The following CEP128 variants were observed in gnomAD, a reference collection of about 807,000 sequenced individuals.
CEP128 encodes centrosomal protein 128.
Under a neutral mutation model 156.7 loss-of-function variants are expected in CEP128, and 132 were observed. The observed-to-expected ratio is 0.84, with a 90% CI of 0.73 to 0.97. The LOEUF is 0.97. CEP128 is among the 50% of genes least tolerant of loss of function. The pLI is 0.00. For missense variants in CEP128, 1,252 were observed against 1,281.9 expected (o/e 0.98, Z 0.36); for synonymous variants, 469 against 448.9 (o/e 1.04, Z -0.57).
chr14:80,729,054 TGGGG>T (rs543120613), intron 19 of CEP128, among the ~76,000 whole-genome samples: 140 of 92,590 alleles, frequency 1.5e-3, no homozygotes, highest in African/African-American at 6.4e-3. Context: ...GCTGGGCTGG[TGGGG>T]GTGTGTGTGT....
intron 13 of CEP128, among the ~76,000 whole-genome samples, chr14:80,800,357 G>C (rs1404517067): frequency 6.6e-6 from 1 of 152,120 alleles, no homozygotes; most frequent in East Asian, 1.9e-4. Context: ...TCGATAAAGA[G>C]AACTTTTTAT....
intron 18 of CEP128, among the ~76,000 whole-genome samples, chr14:80,743,869 T>G (rs1186977305): frequency 6.7e-6 from 1 of 149,444 alleles, no homozygotes; most frequent in Non-Finnish European, 1.5e-5. Context: ...TCTCTCTCTC[T>G]CTCACTCTTT....
Position 80,660,986 on chromosome 14 carries a change from G to T in CEP128, c.2807-80563C>A, listed in dbSNP as rs570031475. 2.0e-5 allele frequency among the ~76,000 whole-genome samples: 3 copies of T among 152,226 alleles called. No homozygotes were observed. The East Asian group carries it at 5.8e-4, about 29-fold the overall frequency. The stretch of plus-strand genomic sequence containing the variant: ...TATTCTTATCTACTGCCTTACACAG[G>T]TCTTTCCACAGACCCTTCAACACAT... On this transcript the variant is annotated intron_variant, in intron 19 of 24. Coordinates refer to ENST00000555265, the MANE Select transcript of CEP128 (RefSeq NM_152446.5).
At chr14:80,731,397 A>G (rs1279011182) in intron 19 of CEP128, among the ~76,000 whole-genome samples, 2 of 152,290 alleles carry the variant, frequency 1.3e-5, no homozygotes, top group East Asian at 1.9e-4. Context: ...TAAGAGTTAC[A>G]TAAGATAATA....
At chr14:80,891,751 A>G (rs1050747486) in intron 8 of CEP128, among the ~76,000 whole-genome samples, 1 of 152,028 alleles carries the variant, frequency 6.6e-6, no homozygotes, top group Non-Finnish European at 1.5e-5. Context: ...ACTCCCATTT[A>G]CCCTGATGTG....
At chr14:80,956,878 TC>T (rs1342827561) in intron 2 of CEP128, among the ~76,000 whole-genome samples, 1 of 152,154 alleles carries the variant, frequency 6.6e-6, no homozygotes, top group Non-Finnish European at 1.5e-5. Flanking sequence ...TTCAATAACC[TC>T]CAAACAGTGT....
intron 2 of CEP128, among the ~76,000 whole-genome samples, chr14:80,935,058 A>G (rs1025410201): frequency 6.6e-6 from 1 of 152,222 alleles, no homozygotes; most frequent in African/African-American, 2.4e-5. Context: ...TTAAAGGAGC[A>G]AAGTAACTTA....
chr14:80,824,699 A>G (rs1023721090), intron 13 of CEP128, among the ~76,000 whole-genome samples: 5 of 152,176 alleles, frequency 3.3e-5, no homozygotes, highest in Non-Finnish European at 7.3e-5. Flanking sequence ...ATTGTCCATA[A>G]TGCTATCAGC....
intron 22 of CEP128, among the ~76,000 whole-genome samples, chr14:80,527,901 G>T (rs1889052522): frequency 6.6e-6 from 1 of 151,564 alleles, no homozygotes; most frequent in African/African-American, 2.4e-5. Context: ...TCATTTCTTG[G>T]GGGAAGAAGG....
At chr14:80,477,256 T>C (rs1441076627) in exon 15 of CEP128, 3 of 152,182 alleles carry the variant, frequency 2.0e-5, no homozygotes, top group Non-Finnish European at 4.4e-5. Context: ...ATTACTGCCT[T>C]TCCTACCTTG....
At chr14:80,525,196 A>C (rs1259785503) in intron 23 of CEP128, among the ~76,000 whole-genome samples, 3 of 152,206 alleles carry the variant, frequency 2.0e-5, no homozygotes, top group African/African-American at 7.2e-5. Flanking sequence ...ATTTTTACAC[A>C]TTGAAAATTA....
At chr14:80,891,809 A>G (rs1889115537) in intron 8 of CEP128, among the ~76,000 whole-genome samples, 1 of 152,146 alleles carries the variant, frequency 6.6e-6, no homozygotes, top group Non-Finnish European at 1.5e-5. Flanking sequence ...CGAAATATGT[A>G]TATTTCATGT....
chr14:80,832,110 C>G (rs553271269), intron 12 of CEP128, among the ~76,000 whole-genome samples: 2 of 152,296 alleles, frequency 1.3e-5, no homozygotes, highest in South Asian at 4.1e-4. Context: ...AAGCTCTATT[C>G]CCTGCCACCA....
At chr14:80,724,110 T>C (rs926739789) in intron 19 of CEP128, among the ~76,000 whole-genome samples, 2 of 152,212 alleles carry the variant, frequency 1.3e-5, no homozygotes, top group African/African-American at 4.8e-5. Context: ...TGGTATGCTA[T>C]TGCTTTCAAA....
intron 13 of CEP128, among the ~76,000 whole-genome samples, chr14:80,811,816 T>TG (rs567626968): frequency 8.3e-5 from 1 of 12,028 alleles, no homozygotes; most frequent in Admixed American, 7.8e-4. Flanking sequence ...CACACGCATG[T>TG]ATTAGATAGA....
chr14:80,696,436 C>T (rs981709251), intron 19 of CEP128, among the ~76,000 whole-genome samples: 1 of 151,884 alleles, frequency 6.6e-6, no homozygotes, highest in Non-Finnish European at 1.5e-5. Flanking sequence ...CCAGGGAGAA[C>T]ATGAGATATG....
chr14:80,610,357 ATAACT>A (rs1892947737), intron 19 of CEP128, among the ~76,000 whole-genome samples: 1 of 152,138 alleles, frequency 6.6e-6, no homozygotes, highest in Non-Finnish European at 1.5e-5. Flanking sequence ...TTATGTTTTG[ATAACT>A]TAGAAGAGGT....
At chr14:80,894,102 G>C (rs990610500) in intron 8 of CEP128, among the ~76,000 whole-genome samples, 3 of 151,976 alleles carry the variant, frequency 2.0e-5, no homozygotes, top group South Asian at 2.1e-4. Flanking sequence ...TATAGGGAAT[G>C]ACTTCTTAGG....
At chr14:80,743,487 T>A (rs1465827856) in intron 18 of CEP128, among the ~76,000 whole-genome samples, 1 of 152,156 alleles carries the variant, frequency 6.6e-6, no homozygotes, top group Non-Finnish European at 1.5e-5. Context: ...TTTTAAAAAA[T>A]ATTTTGTGTC....
Sources: gnomAD v4.1 joint callset for allele counts (sites outside exome capture counted in the v4.1 genomes callset) on GRCh38, gnomAD v4.1.1 for gene constraint, MANE v1.5 for transcripts, NCBI Gene and HGNC (gene_info 2026-07-23, HGNC 2026-07-21) for gene names.